Variants in MPPED2 observed in about 807,000 individuals in gnomAD.
MPPED2 encodes the protein metallophosphoesterase domain containing 2.
Under a neutral mutation model 33.0 loss-of-function variants are expected in MPPED2, and 5 were observed. The observed-to-expected ratio is 0.15, with a 90% confidence interval of 0.08 to 0.32. The LOEUF is 0.32. Among genes scored for constraint, MPPED2 ranks in the 10% least tolerant of loss-of-function variants. MPPED2 has a pLI of 1.00. For synonymous variants in MPPED2, 136 were observed against 141.9 expected (o/e 0.96, Z 0.29); for missense variants, 275 against 372.1 (o/e 0.74, Z 2.15).
chr11:30,503,157 G>A (rs1336515), intron 3 of MPPED2, among the ~76,000 whole-genome samples: 42,826 of 151,904 alleles, frequency 0.28, 7,011 homozygotes, highest in Middle Eastern at 0.43. Flanking sequence ...AAGTTCTCAC[G>A]AGATTTGATG....
intron 3 of MPPED2, among the ~76,000 whole-genome samples, chr11:30,509,608 T>C (rs1953035304): frequency 6.6e-6 from 1 of 152,196 alleles, no homozygotes; most frequent in Admixed American, 6.5e-5. Context: ...GACACGTGTG[T>C]GCATCTTCTC....
At chr11:30,421,076 C>G (rs907738150) in intron 4 of MPPED2, among the ~76,000 whole-genome samples, 7 of 152,164 alleles carry the variant, frequency 4.6e-5, no homozygotes, top group Non-Finnish European at 1.0e-4. Context: ...AGGATTTTAA[C>G]AAGTCTCAAG....
At chr11:30,513,923 T>C (rs986697367) in intron 3 of MPPED2, among the ~76,000 whole-genome samples, 4 of 152,184 alleles carry the variant, frequency 2.6e-5, no homozygotes, top group African/African-American at 7.2e-5. Context: ...TGGCCAAGCC[T>C]CACTACAGTG....
chr11:30,408,337 G>A (rs565119909), downstream of MPPED2, among the ~76,000 whole-genome samples: 2 of 152,206 alleles, frequency 1.3e-5, no homozygotes, highest in South Asian at 4.1e-4. Flanking sequence ...TTCTGACAGA[G>A]TTTTGCTCAT....
intron 3 of MPPED2, among the ~76,000 whole-genome samples, chr11:30,514,985 C>G (rs1260155379): frequency 6.6e-6 from 1 of 152,152 alleles, no homozygotes; most frequent in Non-Finnish European, 1.5e-5. Flanking sequence ...ACCCCAGCTA[C>G]TCAGGGGGCT....
chr11:30,431,903 G>A (rs1221381698), intron 4 of MPPED2, among the ~76,000 whole-genome samples: 4 of 152,086 alleles, frequency 2.6e-5, no homozygotes, highest in African/African-American at 9.7e-5. Flanking sequence ...AGCCGGGCAC[G>A]GTGGCTCACG....
At chr11:30,464,709 G>A (rs1389848800) in intron 4 of MPPED2, among the ~76,000 whole-genome samples, 1 of 152,072 alleles carries the variant, frequency 6.6e-6, no homozygotes, top group African/African-American at 2.4e-5. Context: ...GCTATGATTT[G>A]TTGTTTTATC....
chr11:30,459,266 AC>A (rs949285846), intron 4 of MPPED2, among the ~76,000 whole-genome samples: 2 of 152,128 alleles, frequency 1.3e-5, no homozygotes, highest in Non-Finnish European at 2.9e-5. Flanking sequence ...CACCCCACCT[AC>A]CAAAGATGCC....
chr11:30,482,153 C>CTT, intron 4 of MPPED2, among the ~76,000 whole-genome samples: 1 of 152,080 alleles, frequency 6.6e-6, no homozygotes, highest in African/African-American at 2.4e-5. Flanking sequence ...CCAGGAAAAG[C>CTT]AGAATAAGAG....
intron 4 of MPPED2, among the ~76,000 whole-genome samples, chr11:30,478,968 T>C (rs181502495): frequency 3.9e-4 from 60 of 152,182 alleles, no homozygotes; most frequent in African/African-American, 1.4e-3. Flanking sequence ...AGAAAAGACA[T>C]TGAACTCAAG....
At chr11:30,469,760 A>C (rs988343491) in intron 4 of MPPED2, among the ~76,000 whole-genome samples, 9 of 152,154 alleles carry the variant, frequency 5.9e-5, no homozygotes, top group Admixed American at 5.9e-4. Context: ...CATTATCATG[A>C]TCACTCCTTC....
intron 3 of MPPED2, among the ~76,000 whole-genome samples, chr11:30,509,793 A>G (rs1327823337): frequency 1.3e-5 from 2 of 152,174 alleles, no homozygotes; most frequent in Non-Finnish European, 2.9e-5. Context: ...AGAGATTTGA[A>G]TCATTCCTTC....
intron 6 of MPPED2, among the ~76,000 whole-genome samples, chr11:30,401,419 G>A (rs1044661884): frequency 1.3e-5 from 2 of 152,186 alleles, no homozygotes; most frequent in Admixed American, 6.5e-5. Flanking sequence ...AGAAGATACA[G>A]ATGTCCAGTG....
intron 2 of MPPED2, among the ~76,000 whole-genome samples, chr11:30,541,121 T>G (rs571679148): frequency 1.3e-5 from 2 of 152,306 alleles, no homozygotes; most frequent in African/African-American, 4.8e-5. Flanking sequence ...GCTATCATCT[T>G]AAACCATTTT....
At chr11:30,474,018 T>A (rs966523981) in intron 4 of MPPED2, among the ~76,000 whole-genome samples, 19 of 152,246 alleles carry the variant, frequency 1.2e-4, no homozygotes, top group African/African-American at 4.3e-4. Context: ...AGGACCCAGC[T>A]AAGCTGCACC....
chr11:30,452,207 GC>G, intron 4 of MPPED2: 2 of 472,038 alleles, frequency 4.2e-6, no homozygotes, highest in Non-Finnish European at 5.5e-6. Flanking sequence ...CCTGCACCCA[GC>G]ACTCTGGCTG....
intron 4 of MPPED2, chr11:30,452,147 T>C: frequency 1.0e-6 from 1 of 953,666 alleles, no homozygotes; most frequent in Non-Finnish European, 1.2e-6. Context: ...CAAGGGCTTC[T>C]CACTGCCTAA....
chr11:30,466,326 T>A (rs1026797501), intron 4 of MPPED2, among the ~76,000 whole-genome samples: 1 of 152,240 alleles, frequency 6.6e-6, no homozygotes, highest in African/African-American at 2.4e-5. Context: ...TAGGAATTAA[T>A]ATTAAATTGG....
In MPPED2 at chr11:30,411,027, A is replaced by AAAC; in HGVS notation, c.*438_*440dup. ...CTGCAAAAAAGAAGCATTACCAAGA[A>AAAC]AACAACAACAACAAAACATTGAAAA... is the stretch of plus-strand genomic sequence containing the variant. On this transcript the variant is annotated 3_prime_UTR_variant, in exon 7 of 7. Coordinates refer to ENST00000358117, the MANE Select transcript of MPPED2 (RefSeq NM_001584.3). 3 of 985,930 alleles carry AAAC rather than the reference A, an allele frequency of 3.0e-6. No homozygotes were observed. Among genetic ancestry groups the AAAC allele is most frequent in the Non-Finnish European group, 2.4e-6 (2 of 829,970 alleles). The allele number at this position is 985,930 out of a possible 1,614,324, so 61.1% of individuals were successfully genotyped here.
Sources: gnomAD v4.1 joint callset for allele counts (sites outside exome capture counted in the v4.1 genomes callset) on GRCh38, gnomAD v4.1.1 for gene constraint, MANE v1.5 for transcripts, NCBI Gene and HGNC (gene_info 2026-07-23, HGNC 2026-07-21) for gene names.